Variants in CS observed in about 807,000 individuals in gnomAD.
CS encodes the protein citrate synthase, mitochondrial.
A neutral mutation model predicts 61.4 loss-of-function variants in CS; 13 were observed. That is an observed-to-expected ratio of 0.21 (90% confidence interval 0.14 to 0.34). CS has a LOEUF of 0.34. Among genes scored for constraint, CS ranks in the 10% least tolerant of loss-of-function variants. The probability of loss-of-function intolerance (pLI) is 1.00; values close to 1 mark genes in which losing one functional copy is unlikely to be tolerated. For missense variants in CS, 278 were observed against 573.4 expected (o/e 0.48, Z 5.26); for synonymous variants, 159 against 215.2 (o/e 0.74, Z 2.29).
Position 56,278,193 on chromosome 12 carries a change from C to A in CS, c.589-1998G>T, listed in dbSNP as rs901227066. Among the ~76,000 whole-genome samples, 12 of 152,142 alleles carry A rather than the reference C, an allele frequency of 7.9e-5. 1 individual carries two copies. Among genetic ancestry groups the A allele is most frequent in the African/African-American group, 1.9e-4 (8 of 41,454 alleles). On this transcript the variant is annotated intron_variant, in intron 6 of 10. Coordinates refer to ENST00000351328, the MANE Select transcript of CS (RefSeq NM_004077.3). ...TCGCCCAGGCTGGAGTGCAATGGTG[C>A]GATCTCAGCTCACTGCAACCTCCGC...
chr12:56,288,530 TTCA>T (rs1237388317), intron 1 of CS, among the ~76,000 whole-genome samples: 1 of 151,522 alleles, frequency 6.6e-6, no homozygotes, highest in African/African-American at 2.4e-5. Context: ...GAGACAGAGT[TTCA>T]TCATGTTGTC....
At position 56,286,030 on chromosome 12, in the gene CS, A is replaced by T. The variant is rs1872930102; in HGVS notation, c.94-7T>A. 1.9e-6 allele frequency: 3 copies of T among 1,601,718 alleles called. No homozygotes were observed. In the East Asian group the frequency reaches 6.7e-5, roughly 36 times the overall value. ...CCAATATGTCTTTCAAATTCTAAAA[A>T]GAAAAGTAGAAGGACTAAGCAATGG... On this transcript the variant is annotated splice_polypyrimidine_tract_variant and splice_region_variant and intron_variant, in intron 2 of 10. Coordinates refer to ENST00000351328, the MANE Select transcript of CS (RefSeq NM_004077.3).
Position 56,282,925 on chromosome 12 carries a change from C to T in CS, c.334G>A (p.Glu112Lys). The change falls in exon 5 of 11, where the codon GAA (glutamate) becomes AAA (lysine). Residue 112 changes from glutamate to lysine, a missense_variant. Coordinates refer to ENST00000351328, the MANE Select transcript of CS (RefSeq NM_004077.3). ...AATAAGCCCTCAGGCAGGGGTTCTT[C>T]CCCACCCTTAGCCTTGGGTAGCAGT... ...QKLLPKAKGG[E>K]EPLPEGLFWL... 6.2e-7 allele frequency: 1 copy of T among 1,614,184 alleles called. No individual in the cohort carries two copies. The highest frequency in any genetic ancestry group is 8.5e-7 in the Non-Finnish European group (1 of 1,180,032).
At chr12:56,276,330 T>C (rs1360453996) in intron 6 of CS, 135 bp from the exon 7 acceptor site, 1 of 674,626 alleles carries the variant, frequency 1.5e-6, no homozygotes, top group Non-Finnish European at 2.5e-6. Context: ...TTGTTATATA[T>C]TGAGTATGTT....
intron 7 of CS, 45 bp from the exon 8 acceptor site, chr12:56,275,176 C>A (rs781053609): frequency 6.2e-7 from 1 of 1,612,368 alleles, no homozygotes; most frequent in Admixed American, 1.7e-5. Flanking sequence ...AAAGAAGGGG[C>A]AGATTATGGA....
intron 1 of CS, among the ~76,000 whole-genome samples, chr12:56,296,863 T>C (rs1873322546): frequency 6.6e-6 from 1 of 152,176 alleles, no homozygotes; most frequent in East Asian, 1.9e-4. Flanking sequence ...TTGGGTAGGC[T>C]GATAGTCAAA....
intron 1 of CS, among the ~76,000 whole-genome samples, chr12:56,294,574 C>T (rs1294762128): frequency 6.7e-6 from 1 of 148,348 alleles, no homozygotes; most frequent in Non-Finnish European, 1.5e-5. Flanking sequence ...AATCACAAGT[C>T]TATTTTTGTT....
intron 1 of CS, chr12:56,291,584 CA>C (rs1289937234): frequency 6.5e-6 from 1 of 153,942 alleles, no homozygotes; most frequent in Non-Finnish European, 1.4e-5. Context: ...TGGCTCTGAA[CA>C]GTACATTCAG....
chr12:56,298,237 A>G (rs535866762), intron 1 of CS, among the ~76,000 whole-genome samples: 6 of 152,012 alleles, frequency 3.9e-5, no homozygotes, highest in Non-Finnish European at 8.8e-5. Context: ...ACCTCAGGTG[A>G]TCCACCCGCC....
Position 56,285,915 on chromosome 12 carries a change from C to T in CS, c.201+1G>A. 6.2e-7 allele frequency: 1 copy of T among 1,610,884 alleles called. No homozygotes were observed. Among genetic ancestry groups the T allele is most frequent in the Non-Finnish European group, 8.5e-7 (1 of 1,178,674 alleles). ...CCCAGCCAAAGCCACACAACCCTTA[C>T]CATGTCCACAGTGATTTGGCCCACC... On this transcript the variant is annotated splice_donor_variant, in intron 3 of 10. Transcript: ENST00000351328. LOFTEE classifies it high-confidence loss of function.
chr12:56,290,938 G>A (rs1308515885), intron 1 of CS, among the ~76,000 whole-genome samples: 1 of 152,050 alleles, frequency 6.6e-6, no homozygotes, highest in Non-Finnish European at 1.5e-5. Context: ...CATTTCTTGG[G>A]CCTCAGACTT....
At chr12:56,296,752 A>G (rs1342581526) in intron 1 of CS, among the ~76,000 whole-genome samples, 1 of 152,090 alleles carries the variant, frequency 6.6e-6, no homozygotes, top group African/African-American at 2.4e-5. Context: ...TTCACCTGCT[A>G]CCAACCTAAA....
At chr12:56,290,599 A>C (rs1873091399) in intron 1 of CS, among the ~76,000 whole-genome samples, 1 of 152,220 alleles carries the variant, frequency 6.6e-6, no homozygotes. Context: ...TATCAGAGGA[A>C]TTTTAAAGGC....
chr12:56,291,452 T>A, intron 1 of CS: 1 of 214,640 alleles, frequency 4.7e-6, no homozygotes, highest in Non-Finnish European at 8.9e-6. Context: ...GAAACAAATT[T>A]AACTAACCCT....
chr12:56,274,990 G>C lies in CS; in HGVS notation c.918+12C>G. Reference sequence around the variant, plus strand: ...AAAACATGTAGCAGGAAAATAAAAAGAATAGTCTTACCTGATTTGCCAGTC... The same window carrying C: ...AAAACATGTAGCAGGAAAATAAAAACAATAGTCTTACCTGATTTGCCAGTC... On this transcript the variant is annotated intron_variant, in intron 8 of 10. Coordinates refer to ENST00000351328, the MANE Select transcript of CS (RefSeq NM_004077.3). 6.2e-7 allele frequency: 1 copy of C among 1,613,808 alleles called. No homozygotes were observed. The highest frequency in any genetic ancestry group is 8.5e-7 in the Non-Finnish European group (1 of 1,179,844).
intron 9 of CS, chr12:56,274,102 T>C (rs1055473426): frequency 1.3e-5 from 5 of 382,266 alleles, no homozygotes; most frequent in Admixed American, 4.1e-5. Context: ...TCACCTGAGG[T>C]TGGGAGTCCT....
chr12:56,273,276 T>C (rs139160553), intron 10 of CS, 22 bp from the exon 11 acceptor site: 2 of 1,610,442 alleles, frequency 1.2e-6, no homozygotes, highest in African/African-American at 2.7e-5. Context: ...AAGAGAAAAA[T>C]ATTTCATTTA....
chr12:56,294,975 AG>A (rs1592414552), intron 1 of CS, among the ~76,000 whole-genome samples: 2 of 151,896 alleles, frequency 1.3e-5, no homozygotes, highest in East Asian at 3.9e-4. Context: ...CATGTTGGCC[AG>A]GCTGGTCTCG....
intron 1 of CS, among the ~76,000 whole-genome samples, chr12:56,293,752 A>G (rs1873207250): frequency 6.6e-6 from 1 of 152,154 alleles, no homozygotes; most frequent in Non-Finnish European, 1.5e-5. Flanking sequence ...AACAAAACAG[A>G]AAAACCTTGC....
Sources: allele counts gnomAD v4.1 joint callset (sites outside exome capture counted in the v4.1 genomes callset), GRCh38; gene constraint gnomAD v4.1.1; transcripts MANE v1.5; gene names NCBI Gene and HGNC (gene_info 2026-07-23, HGNC 2026-07-21).